Variants in DACH2 observed in about 807,000 individuals in gnomAD.
DACH2 encodes the protein dachshund family transcription factor 2.
In DACH2, 17 loss-of-function variants were observed where a neutral mutation model predicts 35.8. The observed-to-expected ratio is 0.48, with a 90% confidence interval of 0.33 to 0.71. The LOEUF is 0.71. Among genes scored for constraint, DACH2 ranks in the 30% least tolerant of loss-of-function variants. The probability of loss-of-function intolerance (pLI) is 0.02; values close to 1 mark genes in which losing one functional copy is unlikely to be tolerated. For missense variants in DACH2, 469 were observed against 472.7 expected (o/e 0.99, Z 0.07); for synonymous variants, 195 against 177.3 (o/e 1.10, Z -0.79).
intron 11 of DACH2, among the ~76,000 whole-genome samples, chrX:86,823,566 C>G (rs67003697): frequency 0.22 from 24,835 of 111,343 alleles, 2,129 homozygotes; most frequent in East Asian, 0.47. Flanking sequence ...TATTAGCTTT[C>G]AAGAAAGCAT....
At chrX:86,338,147 G>C (rs1339751477) in intron 1 of DACH2, among the ~76,000 whole-genome samples, 1 of 111,474 alleles carries the variant, frequency 9.0e-6, no homozygotes, top group African/African-American at 3.3e-5. Flanking sequence ...GTAAGTATTA[G>C]ACAGATCAAC....
chrX:86,299,404 A>G lies in DACH2; in HGVS notation c.489-77420A>G, dbSNP rs139344055. Among the ~76,000 whole-genome samples, 863 of 111,868 alleles carry G rather than the reference A, an allele frequency of 7.7e-3. 9 individuals carry two copies. Among genetic ancestry groups the G allele is most frequent in the African/African-American group, 0.027 (828 of 30,842 alleles). ...CCTTATATCCAGTGACATGTGTATA[A>G]TGGATCATGTTCAGCTTAGCAGTGA... On this transcript the variant is annotated intron_variant, in intron 1 of 11. Transcript: ENST00000373125.
rs6623778 is a variant in DACH2, at chrX:86,798,226, A to G, written c.1241-14630A>G. ...AATGAATCATTACCACTATCCAGCA[A>G]TGGTACAGATGAGAGTGTGGTATGT... is the stretch of plus-strand genomic sequence containing the variant. On this transcript the variant is annotated intron_variant, in intron 7 of 11. Transcript: ENST00000373125. Among the ~76,000 whole-genome samples the G allele has an allele frequency of 1.3e-3, 149 of 112,108 alleles. 1 individual carries two copies. The East Asian group carries it at 0.025, about 19-fold the overall frequency.
intron 11 of DACH2, chrX:86,830,309 G>A (rs1177302127): frequency 8.9e-6 from 1 of 111,993 alleles, no homozygotes; most frequent in East Asian, 2.8e-4. Flanking sequence ...CCAAATATGT[G>A]TCAACATTAT....
At position 86,354,819 on chromosome X, in the gene DACH2, TAAAAAAAATAAAATA is replaced by T. The variant is rs1009372408; in HGVS notation, c.489-21992_489-21978del. Reference sequence around the variant, plus strand: ...ATGTACCCTAAAACTTAGAGTATAATAAAAAAAATAAAATAAAAAAAAATAAATGAAAAAAAAAAA... The same window carrying T: ...ATGTACCCTAAAACTTAGAGTATAATAAAAAAAATAAATGAAAAAAAAAAA... On this transcript the variant is annotated intron_variant, in intron 1 of 11. Coordinates refer to ENST00000373125, the MANE Select transcript of DACH2 (RefSeq NM_053281.3). Among the ~76,000 whole-genome samples, 2 of 8,440 alleles carry T rather than the reference TAAAAAAAATAAAATA, an allele frequency of 2.4e-4. 1 individual carries two copies. The highest frequency in any genetic ancestry group is 3.7e-4 in the Non-Finnish European group (2 of 5,469). 7.3% of individuals were successfully genotyped at this position (8,440 alleles called of 115,157 possible).
At chrX:86,324,468 T>C (rs2097474) in intron 1 of DACH2, among the ~76,000 whole-genome samples, 21,422 of 110,291 alleles carry the variant, frequency 0.19, 2,513 homozygotes, top group African/African-American at 0.43. Flanking sequence ...TTGACTCCAA[T>C]TTTTAAAGTT....
chrX:86,718,068 C>A (rs1053501561), intron 6 of DACH2, among the ~76,000 whole-genome samples: 1 of 110,036 alleles, frequency 9.1e-6, no homozygotes, highest in Admixed American at 9.8e-5. Context: ...ATTTATAGTT[C>A]TTTGAGAAAT....
chrX:86,292,261 C>T (rs1200153464), intron 1 of DACH2, among the ~76,000 whole-genome samples: 33 of 52,790 alleles, frequency 6.3e-4, no homozygotes, highest in East Asian at 4.8e-3. Flanking sequence ...TCTGTGGGAT[C>T]GGTGGTGATA....
rs903083170 is a variant in DACH2, at chrX:86,430,465, T to C, written c.527+53603T>C. Among the ~76,000 whole-genome samples the C allele has an allele frequency of 3.5e-5, 4 of 112,881 alleles. No homozygotes were observed. The Admixed American group carries it at 3.7e-4, about 11-fold the overall frequency. ...TAATTATACTTTTAAGAATGTTAGC[T>C]ACTAGAAAATTTAAAATTAGATGTG... On this transcript the variant is annotated intron_variant, in intron 2 of 11. Coordinates refer to ENST00000373125, the MANE Select transcript of DACH2 (RefSeq NM_053281.3).
At chrX:86,245,192 A>G (rs1255853911) in intron 1 of DACH2, among the ~76,000 whole-genome samples, 1 of 111,407 alleles carries the variant, frequency 9.0e-6, no homozygotes, top group Non-Finnish European at 1.9e-5. Flanking sequence ...TTGAAAAAAA[A>G]CTCAGTGTTC....
intron 4 of DACH2, among the ~76,000 whole-genome samples, chrX:86,676,086 C>T (rs1352296402): frequency 9.0e-6 from 1 of 111,665 alleles, no homozygotes; most frequent in African/African-American, 3.3e-5. Flanking sequence ...GAAATTGTAG[C>T]ATATTATTTC....
chrX:86,164,414 C>T (rs1255431593), intron 1 of DACH2, among the ~76,000 whole-genome samples: 2 of 111,557 alleles, frequency 1.8e-5, no homozygotes, highest in African/African-American at 6.5e-5. Flanking sequence ...GTTTCTTTTG[C>T]TGTGCAGAAG....
intron 3 of DACH2, among the ~76,000 whole-genome samples, chrX:86,644,437 G>GA (rs1361504943): frequency 8.2e-5 from 9 of 109,542 alleles, no homozygotes; most frequent in African/African-American, 3.0e-4. Context: ...CAAATGGATG[G>GA]AAAAACATTC....
At chrX:86,477,051 T>C (rs183148361) in intron 2 of DACH2, among the ~76,000 whole-genome samples, 44 of 110,336 alleles carry the variant, frequency 4.0e-4, no homozygotes, top group African/African-American at 1.4e-3. Context: ...TTTAAGACTT[T>C]TTTGTGACTT....
chrX:86,524,968 A>G (rs2148281473), intron 3 of DACH2, among the ~76,000 whole-genome samples: 1 of 111,710 alleles, frequency 9.0e-6, no homozygotes, highest in Non-Finnish European at 1.9e-5. Flanking sequence ...TGTTATAAAG[A>G]ACTATTTTCA....
intron 7 of DACH2, among the ~76,000 whole-genome samples, chrX:86,756,260 T>A (rs749915222): frequency 5.5e-4 from 62 of 111,769 alleles, no homozygotes; most frequent in Non-Finnish European, 1.0e-3. Context: ...ATTGCTATTC[T>A]ACTTCCATGA....
chrX:86,597,706 T>C lies in DACH2; in HGVS notation c.641-53330T>C, dbSNP rs921783046. Among the ~76,000 whole-genome samples, 4 of 111,716 alleles carry C rather than the reference T, an allele frequency of 3.6e-5. No individual in the cohort carries two copies. The Admixed American group carries it at 3.8e-4, about 11-fold the overall frequency. On this transcript the variant is annotated intron_variant, in intron 3 of 11. Transcript: ENST00000373125. ...TTTACAGTATTGTTCAAACTTTATA[T>C]TTCCTTAGTGATATTTTGTCTAGTT... is the stretch of plus-strand genomic sequence containing the variant.
chrX:86,607,625 G>A (rs2039875833), intron 3 of DACH2, among the ~76,000 whole-genome samples: 1 of 108,348 alleles, frequency 9.2e-6, no homozygotes, highest in South Asian at 4.1e-4. Context: ...TTAAGTTTTA[G>A]GGTACATGTT....
intron 3 of DACH2, among the ~76,000 whole-genome samples, chrX:86,617,501 G>A (rs765155): frequency 0.13 from 14,699 of 110,556 alleles, 972 homozygotes; most frequent in South Asian, 0.36. Flanking sequence ...TCTCTGTTCA[G>A]CTGTATTCCT....
Sources: gnomAD v4.1 joint callset for allele counts (sites outside exome capture counted in the v4.1 genomes callset) on GRCh38, gnomAD v4.1.1 for gene constraint, MANE v1.5 for transcripts, NCBI Gene and HGNC (gene_info 2026-07-23, HGNC 2026-07-21) for gene names.